Variants in TAX1BP1 observed in about 807,000 individuals in gnomAD.
TAX1BP1 encodes the protein Tax1 binding protein 1.
Under a neutral mutation model 97.7 loss-of-function variants are expected in TAX1BP1, and 62 were observed. That is an observed-to-expected ratio of 0.63 (90% CI 0.52 to 0.78). TAX1BP1 has a LOEUF of 0.78. TAX1BP1 is among the 30% of genes least tolerant of loss of function. The probability of loss-of-function intolerance (pLI) is 0.00; values close to 1 mark genes in which losing one functional copy is unlikely to be tolerated. For missense variants in TAX1BP1, 867 were observed against 916.1 expected, an observed-to-expected ratio of 0.95 and a Z score of 0.69; for synonymous variants, 340 against 304.2, an observed-to-expected ratio of 1.12 and a Z score of -1.23.
chr7:27,769,946 G>T, intron 5 of TAX1BP1, 112 bp downstream of exon 5: 1 of 1,000,656 alleles, frequency 1.0e-6, no homozygotes, highest in Non-Finnish European at 1.5e-6. Context: ...GAGAAAAGTA[G>T]CCTTTTAGAT....
chr7:27,739,503 C>G (rs184855260), upstream of TAX1BP1: 3 of 152,222 alleles, frequency 2.0e-5, no homozygotes, highest in East Asian at 5.8e-4. Context: ...AATAACAGAA[C>G]GCGGGAGAAA....
At chr7:27,774,631 TA>T (rs1238372391) in intron 5 of TAX1BP1, among the ~76,000 whole-genome samples, 1 of 152,002 alleles carries the variant, frequency 6.6e-6, no homozygotes, top group Non-Finnish European at 1.5e-5. Flanking sequence ...AAAAATGATT[TA>T]AAAAAACATA....
intron 5 of TAX1BP1, among the ~76,000 whole-genome samples, chr7:27,777,803 G>A (rs1789090313): frequency 6.6e-6 from 1 of 152,188 alleles, no homozygotes; most frequent in Non-Finnish European, 1.5e-5. Context: ...ATAAGCTGGA[G>A]CAGTTATAGA....
intron 2 of TAX1BP1, among the ~76,000 whole-genome samples, chr7:27,755,174 T>G (rs1323746147): frequency 6.6e-6 from 1 of 152,232 alleles, no homozygotes; most frequent in Non-Finnish European, 1.5e-5. Flanking sequence ...CCCATTGTAC[T>G]CCTACCTTCC....
intron 12 of TAX1BP1, among the ~76,000 whole-genome samples, chr7:27,797,615 A>C (rs956930952): frequency 1.6e-4 from 25 of 151,944 alleles, no homozygotes; most frequent in Non-Finnish European, 3.1e-4. Flanking sequence ...ATAAATAGCA[A>C]AATCTTTTAA....
intron 4 of TAX1BP1, among the ~76,000 whole-genome samples, chr7:27,768,278 T>G (rs1788716963): frequency 6.6e-6 from 1 of 151,976 alleles, no homozygotes. Context: ...ATGCAAGATA[T>G]TAATAATCAG....
At chr7:27,744,999 T>C (rs1177053676) in intron 1 of TAX1BP1, among the ~76,000 whole-genome samples, 2 of 152,224 alleles carry the variant, frequency 1.3e-5, no homozygotes, top group Admixed American at 1.3e-4. Flanking sequence ...GTAGCCAGCA[T>C]GTATAAGCAT....
chr7:27,793,976 T>C (rs1217816855), intron 10 of TAX1BP1, among the ~76,000 whole-genome samples: 3 of 152,202 alleles, frequency 2.0e-5, no homozygotes, highest in Admixed American at 1.3e-4. Flanking sequence ...TGTGAAAAAA[T>C]ATGATACTTT....
chr7:27,774,932 A>G (rs950193897), intron 5 of TAX1BP1, among the ~76,000 whole-genome samples: 2 of 152,166 alleles, frequency 1.3e-5, no homozygotes, highest in African/African-American at 4.8e-5. Flanking sequence ...ACTGTGCCAC[A>G]TTGCCCATTT....
chr7:27,740,946 G>C (rs1562690203), intron 1 of TAX1BP1, among the ~76,000 whole-genome samples: 1 of 152,198 alleles, frequency 6.6e-6, no homozygotes, highest in Admixed American at 6.5e-5. Flanking sequence ...CTGGCTTAGG[G>C]AATCTGTGGC....
chr7:27,827,041 A>G (rs1207742580), intron 15 of TAX1BP1, among the ~76,000 whole-genome samples: 1 of 152,218 alleles, frequency 6.6e-6, no homozygotes, highest in Non-Finnish European at 1.5e-5. Flanking sequence ...GTTTGGGACA[A>G]TAATGCAGTC....
chr7:27,815,284 A>G (rs1790722462), intron 13 of TAX1BP1, among the ~76,000 whole-genome samples: 1 of 152,106 alleles, frequency 6.6e-6, no homozygotes, highest in Admixed American at 6.6e-5. Flanking sequence ...GCTGCCTTTT[A>G]TGAGGTTAAG....
At chr7:27,741,692 G>T (rs1342439459) in intron 1 of TAX1BP1, among the ~76,000 whole-genome samples, 1 of 152,112 alleles carries the variant, frequency 6.6e-6, no homozygotes, top group Non-Finnish European at 1.5e-5. Flanking sequence ...ACACCTGTGG[G>T]TGTTTCTCGT....
At chr7:27,763,683 G>T (rs920747887) in intron 3 of TAX1BP1, among the ~76,000 whole-genome samples, 3 of 152,040 alleles carry the variant, frequency 2.0e-5, no homozygotes, top group Non-Finnish European at 4.4e-5. Flanking sequence ...CAGGGGAATT[G>T]CTTGAAGCAG....
At chr7:27,812,477 GC>G (rs1790595319) in intron 13 of TAX1BP1, among the ~76,000 whole-genome samples, 1 of 152,096 alleles carries the variant, frequency 6.6e-6, no homozygotes, top group African/African-American at 2.4e-5. Context: ...AAAAGCAAAA[GC>G]CTTGAATTTT....
Position 27,812,699 on chromosome 7 carries a change from A to G in TAX1BP1, c.1765-3650A>G, listed in dbSNP as rs887345893. 8.5e-5 allele frequency among the ~76,000 whole-genome samples: 13 copies of G among 152,314 alleles called. 1 individual carries two copies. Among genetic ancestry groups the G allele is most frequent in the Admixed American group, 8.5e-4 (13 of 15,290 alleles). On this transcript the variant is annotated intron_variant, in intron 13 of 16. Coordinates refer to ENST00000396319, the MANE Select transcript of TAX1BP1 (RefSeq NM_006024.7). Reference sequence around the variant, plus strand: ...AAGTTTATTTTGTATATAAGTACCCAGTTTTTAAAGATCATGTTGAAAAGA... The same window carrying G: ...AAGTTTATTTTGTATATAAGTACCCGGTTTTTAAAGATCATGTTGAAAAGA...
chr7:27,766,081 G>A (rs923314488), intron 4 of TAX1BP1, 60 bp downstream of exon 4: 6 of 1,516,322 alleles, frequency 4.0e-6, no homozygotes, highest in African/African-American at 1.4e-5. Flanking sequence ...GCTCATGTTG[G>A]TTGGCATTTT....
At chr7:27,807,780 T>TA (rs1423187992) in intron 13 of TAX1BP1, among the ~76,000 whole-genome samples, 1 of 152,224 alleles carries the variant, frequency 6.6e-6, no homozygotes, top group Non-Finnish European at 1.5e-5. Flanking sequence ...TAATTCCTTC[T>TA]ATATTGATTA....
chr7:27,789,475 T>C (rs1398799544), intron 8 of TAX1BP1, among the ~76,000 whole-genome samples: 1 of 152,020 alleles, frequency 6.6e-6, no homozygotes, highest in African/African-American at 2.4e-5. Flanking sequence ...TTCTTATGTT[T>C]CTTTTTGTAA....
Sources: allele counts gnomAD v4.1 joint callset (sites outside exome capture counted in the v4.1 genomes callset), GRCh38; gene constraint gnomAD v4.1.1; transcripts MANE v1.5; gene names NCBI Gene and HGNC (gene_info 2026-07-23, HGNC 2026-07-21).